Variants in NACC2 observed in about 807,000 individuals in gnomAD.
The protein encoded by NACC2 is nucleus accumbens-associated protein 2.
Under a neutral mutation model 25.1 loss-of-function variants are expected in NACC2, and 8 were observed. The ratio of observed to expected loss-of-function variants is 0.32; its 90% confidence interval spans 0.19 to 0.57. The LOEUF (loss-of-function observed/expected upper bound fraction) is 0.57. NACC2 is among the 20% of genes least tolerant of loss of function. The pLI is 0.89. For missense variants in NACC2, 644 were observed against 650.2 expected (o/e 0.99, Z 0.10); for synonymous variants, 435 against 294.7 (o/e 1.48, Z -4.88).
chr9:136,012,074 C>T lies in NACC2; in HGVS notation c.1256-50G>A, dbSNP rs112887766. ...TCAGCCACCTGCCTGCCGGGAGGCC[C>T]GCCCCTCCCCAAGGCCACAGAACCA... On this transcript the variant is annotated intron_variant, in intron 5 of 5. Coordinates refer to ENST00000277554, the MANE Select transcript of NACC2 (RefSeq NM_144653.5). 1,432 of 1,463,912 alleles carry T rather than the reference C, an allele frequency of 9.8e-4. 12 individuals carry two copies. In the African/African-American group the frequency reaches 0.018, roughly 19 times the overall value. 90.7% of individuals were successfully genotyped at this position (1,463,912 alleles called of 1,614,324 possible). A position where few individuals can be genotyped will look rare whatever the true frequency, so the allele number is the denominator to read the frequency against.
intron 3 of NACC2, among the ~76,000 whole-genome samples, chr9:136,014,295 C>T (rs1462649050): frequency 6.6e-6 from 1 of 152,072 alleles, no homozygotes; most frequent in African/African-American, 2.4e-5. Context: ...TCAGCTCCCT[C>T]CCCAAGAACA....
intron 1 of NACC2, among the ~76,000 whole-genome samples, chr9:136,071,145 A>G (rs10858218): frequency 0.39 from 59,787 of 151,516 alleles, 13,032 homozygotes; most frequent in Middle Eastern, 0.57. Context: ...AGGCAGGAGA[A>G]TCGCTTGAAC....
chr9:136,083,821 C>T (rs1171423319), intron 1 of NACC2, among the ~76,000 whole-genome samples: 1 of 152,228 alleles, frequency 6.6e-6, no homozygotes, highest in African/African-American at 2.4e-5. Flanking sequence ...TCATCTCGAC[C>T]GCTGCTGAGG....
chr9:136,024,112 A>G (rs1212636546), intron 2 of NACC2, among the ~76,000 whole-genome samples: 4 of 143,018 alleles, frequency 2.8e-5, no homozygotes, highest in African/African-American at 1.1e-4. Flanking sequence ...TGTGTGGGTG[A>G]GGACAGAGGG....
rs1177921494 is a variant in NACC2 at position 136,011,647 on chromosome 9, G to A, written c.1633C>T (p.Pro545Ser). The A allele has an allele frequency of 7.1e-7, 1 of 1,405,200 alleles. No individual in the cohort carries two copies. The highest frequency in any genetic ancestry group is 9.2e-7 in the Non-Finnish European group (1 of 1,084,672). The allele number at this position is 1,405,200 out of a possible 1,614,324, so 87.0% of individuals were successfully genotyped here. The change falls in exon 6 of 6, where the codon CCC becomes TCC. Residue 545 changes from proline (P) to serine (S), a missense_variant. Pro to Ser is a moderately conservative substitution (Grantham distance 74). Coordinates refer to ENST00000277554, the MANE Select transcript of NACC2 (RefSeq NM_144653.5). ...TGGCCATCGGCGGGCAGCGGCTCGG[G>A]GGCGGCCACCTCCTGGATGACCGAG... Reference protein sequence around the residue: ...AGSVIQEVAAPEPLPADGQSP... With the variant: ...AGSVIQEVAASEPLPADGQSP...
intron 5 of NACC2, among the ~76,000 whole-genome samples, chr9:136,012,869 C>T (rs528589419): frequency 3.7e-4 from 56 of 152,168 alleles, no homozygotes; most frequent in African/African-American, 1.2e-3. Flanking sequence ...AGAAGCCGGC[C>T]GAACAGATGG....
chr9:136,061,913 A>G (rs1841016149), intron 1 of NACC2, among the ~76,000 whole-genome samples: 1 of 152,146 alleles, frequency 6.6e-6, no homozygotes, highest in Non-Finnish European at 1.5e-5. Context: ...TGAGGTCAGG[A>G]GTTCGAGACT....
intron 1 of NACC2, among the ~76,000 whole-genome samples, chr9:136,058,131 C>T (rs1213200817): frequency 1.3e-5 from 2 of 152,222 alleles, no homozygotes; most frequent in Non-Finnish European, 2.9e-5. Context: ...ACGCCTGGAG[C>T]CACACGCCTC....
rs141485195 is a variant in NACC2 at position 136,026,088 on chromosome 9, C to T, written c.887-9659G>A. Among the ~76,000 whole-genome samples the T allele has an allele frequency of 3.9e-3, 597 of 151,970 alleles. 1 individual carries two copies. Among genetic ancestry groups the T allele is most frequent in the Admixed American group, 6.2e-3 (95 of 15,256 alleles). ...GGCGTGGTGGCTCACACCTGTAACCCCAGCACTTTGGGAGGACGAGGTGGG... is the reference window on the plus strand; with the variant it reads ...GGCGTGGTGGCTCACACCTGTAACCTCAGCACTTTGGGAGGACGAGGTGGG... On this transcript the variant is annotated intron_variant, in intron 2 of 5. Transcript: ENST00000277554.
intron 2 of NACC2, among the ~76,000 whole-genome samples, chr9:136,037,960 A>C (rs1840578655): frequency 6.6e-6 from 1 of 152,232 alleles, no homozygotes; most frequent in African/African-American, 2.4e-5. Flanking sequence ...TTAACCAGTG[A>C]ATGCGTACAC....
At chr9:136,073,132 A>G (rs186154954) in intron 1 of NACC2, among the ~76,000 whole-genome samples, 20 of 147,952 alleles carry the variant, frequency 1.4e-4, no homozygotes, top group African/African-American at 5.1e-4. Context: ...TCTAGGCTAC[A>G]TAAAGAATTA....
rs771347057 is a variant in NACC2 at position 136,018,780 on chromosome 9, G to C, written c.887-2351C>G. 5.9e-5 allele frequency among the ~76,000 whole-genome samples: 9 copies of C among 152,160 alleles called. No homozygotes were observed. Among genetic ancestry groups the C allele is most frequent in the Non-Finnish European group, 1.0e-4 (7 of 68,030 alleles). ...CAGGGAACACAGCAAAACAACCCGG[G>C]TGGTATTTTAAAACATAATTACACA... On this transcript the variant is annotated intron_variant, in intron 2 of 5. Coordinates refer to ENST00000277554, the MANE Select transcript of NACC2 (RefSeq NM_144653.5). The surrounding 1 kb of genome is among the most constrained non-coding windows in gnomAD (Gnocchi z 4.4).
intron 1 of NACC2, among the ~76,000 whole-genome samples, chr9:136,076,361 G>A (rs1418973421): frequency 6.6e-6 from 1 of 152,032 alleles, no homozygotes; most frequent in African/African-American, 2.4e-5. Flanking sequence ...CCCATACCAC[G>A]ACAAAAATGA....
At position 136,017,962 on chromosome 9, in the gene NACC2, C is replaced by T. The variant is rs139974646; in HGVS notation, c.887-1533G>A. Among the ~76,000 whole-genome samples the T allele has an allele frequency of 1.8e-3, 277 of 152,256 alleles. 3 individuals are homozygous for T. Among genetic ancestry groups the T allele is most frequent in the Non-Finnish European group, 3.1e-3 (213 of 67,984 alleles). Reference sequence around the variant, plus strand: ...CCACCCGGGGCTGGACCTTGCTTGCCGAGGGCACGGCATGGTCCCCTCGGC... The same window carrying T: ...CCACCCGGGGCTGGACCTTGCTTGCTGAGGGCACGGCATGGTCCCCTCGGC... On this transcript the variant is annotated intron_variant, in intron 2 of 5. Coordinates refer to ENST00000277554, the MANE Select transcript of NACC2 (RefSeq NM_144653.5).
At chr9:136,023,140 C>T (rs113609675) in intron 2 of NACC2, among the ~76,000 whole-genome samples, 15 of 94,882 alleles carry the variant, frequency 1.6e-4, no homozygotes, top group Non-Finnish European at 2.2e-4. Context: ...GAGGAAGGAC[C>T]TGTACGCATA....
At chr9:136,085,260 G>A (rs1830367084) in intron 1 of NACC2, among the ~76,000 whole-genome samples, 2 of 140,498 alleles carry the variant, frequency 1.4e-5, no homozygotes, top group Non-Finnish European at 3.0e-5. Context: ...AGTGATTCTT[G>A]TGCCTCAGCC....
intron 1 of NACC2, among the ~76,000 whole-genome samples, chr9:136,051,364 C>T (rs1316459755): frequency 2.6e-5 from 4 of 152,228 alleles, no homozygotes; most frequent in Admixed American, 1.3e-4. Flanking sequence ...ACGCCCCCCA[C>T]CCCGCTCGCC....
In NACC2 at chr9:136,084,226, A is replaced by C. The variant is rs915918470; in HGVS notation, c.-60+10963T>G. On this transcript the variant is annotated intron_variant, in intron 1 of 5. Transcript: ENST00000277554. The surrounding 1 kb of genome is among the most constrained non-coding windows in gnomAD (Gnocchi z 5.1). The stretch of plus-strand genomic sequence containing the variant: ...ACCAACCTGCAGCCTCCCCGCTCCC[A>C]GGTCAAAGACCTCCACACCCAGACC... 6.6e-6 allele frequency among the ~76,000 whole-genome samples: 1 copy of C among 152,088 alleles called. No individual in the cohort carries two copies. Among genetic ancestry groups the C allele is most frequent in the African/African-American group, 2.4e-5 (1 of 41,390 alleles).
At chr9:136,078,908 G>A (rs1830291915) in intron 1 of NACC2, among the ~76,000 whole-genome samples, 1 of 152,210 alleles carries the variant, frequency 6.6e-6, no homozygotes, top group Non-Finnish European at 1.5e-5. Flanking sequence ...GCAAACTCAG[G>A]AGCACACACC....
Sources: gnomAD v4.1 joint callset for allele counts (sites outside exome capture counted in the v4.1 genomes callset) on GRCh38, gnomAD v4.1.1 for gene constraint, Gnocchi (gnomAD v3.1) non-coding constraint, MANE v1.5 for transcripts, NCBI Gene and HGNC (gene_info 2026-07-23, HGNC 2026-07-21) for gene names.